STEAP2: variants seen among roughly 807,000 people sequenced by gnomAD.
STEAP2 encodes STEAP2 metalloreductase.
In STEAP2, 30 loss-of-function variants were observed where a neutral mutation model predicts 46.4. The ratio of observed to expected loss-of-function variants is 0.65; its 90% CI spans 0.48 to 0.88. STEAP2 has a LOEUF of 0.88. Among genes scored for constraint, STEAP2 ranks in the 40% least tolerant of loss-of-function variants. The pLI is 0.00. For missense variants in STEAP2, 513 were observed against 579.3 expected (o/e 0.89, Z 1.18); for synonymous variants, 180 against 200.5 (o/e 0.90, Z 0.86).
intron 3 of STEAP2, 57 bp from the exon 4 acceptor site, chr7:90,226,914 T>C (rs1795510171): frequency 6.6e-7 from 1 of 1,505,952 alleles, no homozygotes; most frequent in Non-Finnish European, 8.9e-7. Context: ...AGCATGCGAT[T>C]GCTACCATTT....
downstream of STEAP2, chr7:90,237,968 A>G (rs1434199909): frequency 1.5e-6 from 1 of 674,096 alleles, no homozygotes; most frequent in Non-Finnish European, 2.7e-6. Context: ...GTGATCTATG[A>G]TGGATACTAA....
At chr7:90,229,380 G>A (rs987394989) in intron 4 of STEAP2, among the ~76,000 whole-genome samples, 1 of 152,094 alleles carries the variant, frequency 6.6e-6, no homozygotes, top group Non-Finnish European at 1.5e-5. Context: ...ATAAAACAGA[G>A]ATATATTATT....
Position 90,234,188 on chromosome 7 carries a change from A to T in STEAP2, c.*1564A>T, listed in dbSNP as rs1795872607. ...CTAATTATAAATCTACTCTAGAGACATATAATCATACAGATTATTCATAAA... is the reference window on the plus strand; with the variant it reads ...CTAATTATAAATCTACTCTAGAGACTTATAATCATACAGATTATTCATAAA... On this transcript the variant is annotated 3_prime_UTR_variant, in exon 6 of 6. Coordinates refer to ENST00000394621, the MANE Select transcript of STEAP2 (RefSeq NM_001244944.2). The T allele has an allele frequency of 1.0e-6, 1 of 985,116 alleles. No individual in the cohort carries two copies. Among genetic ancestry groups the T allele is most frequent in the Non-Finnish European group, 1.2e-6 (1 of 829,738 alleles). 61.0% of individuals were successfully genotyped at this position (985,116 alleles called of 1,614,324 possible).
rs933253334 is a variant in STEAP2, at chr7:90,233,206, A to G, written c.*582A>G. The G allele has an allele frequency of 1.0e-6, 1 of 964,590 alleles. No individual in the cohort carries two copies. Among genetic ancestry groups the G allele is most frequent in the African/African-American group, 1.8e-5 (1 of 56,794 alleles). The allele number at this position is 964,590 out of a possible 1,614,324, so 59.8% of individuals were successfully genotyped here. The stretch of plus-strand genomic sequence containing the variant: ...TGATTATATGAAGAGACACAAATTA[A>G]AAAGACAAATTAAACCTGAAATTAT... On this transcript the variant is annotated 3_prime_UTR_variant, in exon 6 of 6. Transcript: ENST00000394621.
chr7:90,220,845 G>C (rs1475542402), intron 2 of STEAP2, among the ~76,000 whole-genome samples: 1 of 150,502 alleles, frequency 6.6e-6, no homozygotes, highest in Non-Finnish European at 1.5e-5. Flanking sequence ...ATTTGTTGAG[G>C]GAAATTTTTT....
rs1249716492 is a variant in STEAP2, at chr7:90,235,668, G to C, written c.*3044G>C. On this transcript the variant is annotated 3_prime_UTR_variant, in exon 6 of 6. Transcript: ENST00000394621. Reference sequence around the variant, plus strand: ...CCTATGAGGAAAATAACCATGAGCTGTATCATGCTACTTAGCTTTTATGTA... The same window carrying C: ...CCTATGAGGAAAATAACCATGAGCTCTATCATGCTACTTAGCTTTTATGTA... 1 of 935,012 alleles carries C rather than the reference G, an allele frequency of 1.1e-6. No homozygotes were observed. Among genetic ancestry groups the C allele is most frequent in the African/African-American group, 1.8e-5 (1 of 56,098 alleles). 57.9% of individuals were successfully genotyped at this position (935,012 alleles called of 1,614,324 possible).
At chr7:90,243,265 A>T in the STEAP2 span, among the ~76,000 whole-genome samples, 30 of 152,342 alleles carry the variant, frequency 2.0e-4, no homozygotes, top group African/African-American at 5.8e-4. Flanking sequence ...CTGAGAAGTG[A>T]AGTAATATTT....
Position 90,230,053 on chromosome 7 carries a change from T to C in STEAP2, c.1185+17T>C. 6.2e-7 allele frequency: 1 copy of C among 1,609,846 alleles called. No homozygotes were observed. The highest frequency in any genetic ancestry group is 8.5e-7 in the Non-Finnish European group (1 of 1,178,188). On this transcript the variant is annotated intron_variant, in intron 5 of 5. Transcript: ENST00000394621. ...TTTATTCAGGTATGTGGGGTTTTGT[T>C]TGGTGAAGGATTGTGCAGGATAGGA...
intron 2 of STEAP2, among the ~76,000 whole-genome samples, chr7:90,218,510 A>G (rs1005267505): frequency 6.6e-6 from 1 of 152,048 alleles, no homozygotes; most frequent in African/African-American, 2.4e-5. Context: ...TAAGTACCAT[A>G]TATTTGAAGA....
chr7:90,238,143 T>C (rs954124692), downstream of STEAP2: 8 of 717,208 alleles, frequency 1.1e-5, no homozygotes, highest in Admixed American at 1.6e-4. Flanking sequence ...CTGCTGCTGC[T>C]GCCACTACCA....
intron 2 of STEAP2, among the ~76,000 whole-genome samples, chr7:90,216,945 A>G (rs1312477578): frequency 1.3e-5 from 2 of 152,160 alleles, no homozygotes; most frequent in African/African-American, 4.8e-5. Context: ...GCTCATTCAG[A>G]AGCAGCTCTG....
chr7:90,213,734 A>G (rs1014412223), intron 1 of STEAP2: 15 of 152,228 alleles, frequency 9.9e-5, no homozygotes, highest in Non-Finnish European at 2.9e-5. Context: ...CGTGCAGTTT[A>G]TTGTCCAATG....
chr7:90,238,020 T>C (rs1796011075), downstream of STEAP2: 1 of 713,882 alleles, frequency 1.4e-6, no homozygotes, highest in Non-Finnish European at 2.6e-6. Flanking sequence ...TACAGAAAAT[T>C]ATGTTTTTTA....
intron 2 of STEAP2, among the ~76,000 whole-genome samples, chr7:90,216,911 G>A (rs75182399): frequency 0.019 from 2,819 of 152,276 alleles, 90 homozygotes; most frequent in African/African-American, 0.062. Flanking sequence ...AATGCACCTA[G>A]GGTTGAGAAA....
Position 90,232,847 on chromosome 7 carries a change from A to ATGTTT in STEAP2, c.*236_*240dup. ...GTCAACATATTATTGTAATTTAGGTATGTTTTGTTTTGTTTTGCACAACTG... is the reference window on the plus strand; with the variant it reads ...GTCAACATATTATTGTAATTTAGGTATGTTTTGTTTTGTTTTGTTTTGCACAACTG... On this transcript the variant is annotated 3_prime_UTR_variant, in exon 6 of 6. Coordinates refer to ENST00000394621, the MANE Select transcript of STEAP2 (RefSeq NM_001244944.2). 2.5e-6 allele frequency: 3 copies of ATGTTT among 1,206,446 alleles called. No homozygotes were observed. Among genetic ancestry groups the ATGTTT allele is most frequent in the South Asian group, 2.9e-5 (1 of 34,014 alleles). The allele number at this position is 1,206,446 out of a possible 1,614,324, so 74.7% of individuals were successfully genotyped here.
At chr7:90,239,316 C>G (rs1014291464), downstream of STEAP2, among the ~76,000 whole-genome samples, 1 of 152,142 alleles carries the variant, frequency 6.6e-6, no homozygotes, top group Non-Finnish European at 1.5e-5. Context: ...AGAGATGCCT[C>G]GAGATGAAAC....
In STEAP2 at chr7:90,234,774, C is replaced by T. The variant is rs1002785345; in HGVS notation, c.*2150C>T. 7 of 644,520 alleles carry T rather than the reference C, an allele frequency of 1.1e-5. No individual in the cohort carries two copies. The highest frequency in any genetic ancestry group is 7.7e-4 in the Middle Eastern group (1 of 1,294). The allele number at this position is 644,520 out of a possible 1,614,324, so 39.9% of individuals were successfully genotyped here. A position where few individuals can be genotyped will look rare whatever the true frequency, so the allele number is the denominator to read the frequency against. ...TTCACCGTGTTAGCCAGGATGGTCT[C>T]GATCTCCTGACCTCGTGATCCGCCC... On this transcript the variant is annotated 3_prime_UTR_variant, in exon 6 of 6. Transcript: ENST00000394621.
downstream of STEAP2, among the ~76,000 whole-genome samples, chr7:90,239,996 G>C (rs1050104247): frequency 1.3e-5 from 2 of 152,176 alleles, no homozygotes; most frequent in African/African-American, 4.8e-5. Flanking sequence ...TATAGGCTGG[G>C]AGCGGTGGCT....
At chr7:90,224,517 G>T (rs888471028) in intron 2 of STEAP2, among the ~76,000 whole-genome samples, 1 of 152,180 alleles carries the variant, frequency 6.6e-6, no homozygotes, top group Non-Finnish European at 1.5e-5. Context: ...TGCTGTTGCT[G>T]TAAACTGTTG....
Sources: gnomAD v4.1 joint callset for allele counts (sites outside exome capture counted in the v4.1 genomes callset) on GRCh38, gnomAD v4.1.1 for gene constraint, MANE v1.5 for transcripts, NCBI Gene and HGNC (gene_info 2026-07-23, HGNC 2026-07-21) for gene names.